SDK1: variants seen among roughly 807,000 people sequenced by gnomAD.
SDK1 encodes protein sidekick-1.
A neutral mutation model predicts 245.5 loss-of-function variants in SDK1; 157 were observed. That is an observed-to-expected ratio of 0.64 (90% CI 0.56 to 0.73). The LOEUF (loss-of-function observed/expected upper bound fraction) is 0.73, where lower values mean the gene tolerates loss of function less well. Among genes scored for constraint, SDK1 ranks in the 30% least tolerant of loss-of-function variants. SDK1 has a pLI of 0.00. For synonymous variants in SDK1, 1,647 were observed against 1,278.5 expected (o/e 1.29, Z -6.15); for missense variants, 3,583 against 3,002.3 (o/e 1.19, Z -4.52).
chr7:4,031,398 AT>A (rs1441462240), intron 17 of SDK1, among the ~76,000 whole-genome samples: 1 of 152,214 alleles, frequency 6.6e-6, no homozygotes, highest in Non-Finnish European at 1.5e-5. Flanking sequence ...TTACTAGCCA[AT>A]GGTAATGTTA....
chr7:3,724,414 C>G (rs568287406), intron 4 of SDK1, among the ~76,000 whole-genome samples: 3 of 151,976 alleles, frequency 2.0e-5, no homozygotes, highest in Non-Finnish European at 4.4e-5. Context: ...CTGTACAAAA[C>G]ATAAATAAAA....
chr7:3,688,355 G>A (rs1160721621), intron 4 of SDK1, among the ~76,000 whole-genome samples: 5 of 152,228 alleles, frequency 3.3e-5, no homozygotes, highest in Admixed American at 2.0e-4. Context: ...CCAGTTTCTG[G>A]TCTTACGCCC....
At chr7:3,927,237 T>C (rs567717356) in intron 5 of SDK1, among the ~76,000 whole-genome samples, 4 of 152,308 alleles carry the variant, frequency 2.6e-5, no homozygotes, top group African/African-American at 9.6e-5. Flanking sequence ...ATTCTTTTCT[T>C]AAAAAAGTAA....
intron 5 of SDK1, among the ~76,000 whole-genome samples, chr7:3,840,641 A>G (rs1327578780): frequency 1.3e-5 from 2 of 152,202 alleles, no homozygotes; most frequent in Non-Finnish European, 2.9e-5. Context: ...AAGATTTCCA[A>G]CAAGCTCCCA....
chr7:3,517,972 TTCTC>T (rs1782805243), intron 1 of SDK1, among the ~76,000 whole-genome samples: 1 of 152,302 alleles, frequency 6.6e-6, no homozygotes, highest in Admixed American at 6.5e-5. Flanking sequence ...TTTTTGTGAC[TTCTC>T]TCTCTTTAGT....
At chr7:4,104,133 C>T (rs1562814786) in intron 22 of SDK1, among the ~76,000 whole-genome samples, 2 of 152,238 alleles carry the variant, frequency 1.3e-5, no homozygotes, top group Middle Eastern at 3.2e-3. Context: ...AATCACCACT[C>T]ACTGCAGCCT....
chr7:3,664,754 A>G (rs1453651393), intron 4 of SDK1, among the ~76,000 whole-genome samples: 1 of 152,084 alleles, frequency 6.6e-6, no homozygotes, highest in African/African-American at 2.4e-5. Flanking sequence ...AAAAAAAAAA[A>G]AAATTGAGAA....
rs550498029 is a variant in SDK1 at position 3,803,735 on chromosome 7, G to A, written c.714-17715G>A. On this transcript the variant is annotated intron_variant, in intron 4 of 44. Transcript: ENST00000404826. ...GATATTTTCTTCCAGTTTGCAACTG[G>A]TATTTTCCTCTTTTTTTTTTTTTTT... Among the ~76,000 whole-genome samples the A allele has an allele frequency of 7.5e-5, 11 of 146,576 alleles. 1 individual carries two copies. In the South Asian group the frequency reaches 2.4e-3, roughly 32 times the overall value.
At chr7:3,964,055 C>A (rs1583654935) in intron 9 of SDK1, among the ~76,000 whole-genome samples, 2 of 152,266 alleles carry the variant, frequency 1.3e-5, no homozygotes, top group Non-Finnish European at 2.9e-5. Flanking sequence ...CCAGTGGGTA[C>A]ACCTATCAGC....
rs1383788765 is a variant in SDK1, at chr7:3,807,781, T to C, written c.714-13669T>C. ...CAGGCTGGGAGGCTGGGTTAGAGTC[T>C]TGATTGTTCATGTTCTTTGGCAAAA... On this transcript the variant is annotated intron_variant, in intron 4 of 44. Coordinates refer to ENST00000404826, the MANE Select transcript of SDK1 (RefSeq NM_152744.4). Among the ~76,000 whole-genome samples, 4 of 152,176 alleles carry C rather than the reference T, an allele frequency of 2.6e-5. No individual in the cohort carries two copies. In the East Asian group the frequency reaches 7.7e-4, roughly 29 times the overall value.
intron 5 of SDK1, among the ~76,000 whole-genome samples, chr7:3,844,955 G>T (rs890574750): frequency 6.6e-5 from 10 of 152,274 alleles, no homozygotes; most frequent in Non-Finnish European, 1.2e-4. Context: ...TATTAGCTAG[G>T]ATGTATGTTT....
intron 37 of SDK1, 98 bp downstream of exon 37, chr7:4,208,383 C>G: frequency 8.9e-7 from 1 of 1,128,044 alleles, no homozygotes; most frequent in East Asian, 2.5e-5. Flanking sequence ...CCGGCCCGCC[C>G]AGGCGGAAGG....
At chr7:4,167,648 C>A (rs1159184946) in intron 32 of SDK1, among the ~76,000 whole-genome samples, 3 of 152,248 alleles carry the variant, frequency 2.0e-5, no homozygotes, top group African/African-American at 7.2e-5. Context: ...TGAGCATCCG[C>A]CATGGCTGAG....
intron 1 of SDK1, among the ~76,000 whole-genome samples, chr7:3,394,662 T>A (rs1301949370): frequency 6.6e-6 from 1 of 152,082 alleles, no homozygotes; most frequent in African/African-American, 2.4e-5. Flanking sequence ...ATATTGAATG[T>A]CTCATCATTT....
In SDK1 at chr7:3,646,741, A is replaced by G. The variant is rs571311472; in HGVS notation, c.713+4636A>G. 2.0e-5 allele frequency among the ~76,000 whole-genome samples: 3 copies of G among 152,328 alleles called. No homozygotes were observed. In the South Asian group the frequency reaches 6.2e-4, roughly 32 times the overall value. ...CAGCTTTCAACTTGAAAAGACATGG[A>G]TTAACCTGGGTTTGCATAGAGGGGT... On this transcript the variant is annotated intron_variant, in intron 4 of 44. Coordinates refer to ENST00000404826, the MANE Select transcript of SDK1 (RefSeq NM_152744.4).
intron 5 of SDK1, among the ~76,000 whole-genome samples, chr7:3,836,811 C>G (rs1273497023): frequency 6.6e-6 from 1 of 152,118 alleles, no homozygotes; most frequent in East Asian, 1.9e-4. Flanking sequence ...GACTGGGTGA[C>G]TTAAACAACA....
chr7:3,706,593 G>A (rs1354378311), intron 4 of SDK1, among the ~76,000 whole-genome samples: 1 of 152,110 alleles, frequency 6.6e-6, no homozygotes, highest in Non-Finnish European at 1.5e-5. Flanking sequence ...TAGTAGAGAT[G>A]GGGTTTCACC....
intron 19 of SDK1, among the ~76,000 whole-genome samples, chr7:4,063,491 A>C (rs1368946328): frequency 2.6e-5 from 4 of 152,078 alleles, no homozygotes; most frequent in Non-Finnish European, 5.9e-5. Flanking sequence ...TCCCATGCTC[A>C]TGGATCAGAA....
intron 1 of SDK1, among the ~76,000 whole-genome samples, chr7:3,456,687 T>C (rs1000959504): frequency 6.6e-6 from 1 of 152,200 alleles, no homozygotes; most frequent in Non-Finnish European, 1.5e-5. Flanking sequence ...TTCCAACATA[T>C]GTCTCTTCTT....
Sources: gnomAD v4.1 joint callset for allele counts (sites outside exome capture counted in the v4.1 genomes callset) on GRCh38, gnomAD v4.1.1 for gene constraint, MANE v1.5 for transcripts, NCBI Gene and HGNC (gene_info 2026-07-23, HGNC 2026-07-21) for gene names.